Variants in CRIM1 observed in about 807,000 individuals in gnomAD.
The protein encoded by CRIM1 is cysteine rich transmembrane BMP regulator 1, also known as cysteine-rich motor neuron 1 protein.
A neutral mutation model predicts 116.4 loss-of-function variants in CRIM1; 32 were observed. The observed-to-expected ratio is 0.27, with a 90% CI of 0.21 to 0.37. The LOEUF is 0.37. CRIM1 is among the 10% of genes least tolerant of loss of function. The pLI, the probability that CRIM1 is intolerant of heterozygous loss-of-function variation, is 1.00. For synonymous variants in CRIM1, 590 were observed against 509.2 expected (o/e 1.16, Z -2.13); for missense variants, 1,331 against 1,354.8 (o/e 0.98, Z 0.28).
chr2:36,356,757 C>CT lies in CRIM1; in HGVS notation c.331+134_331+135insT. ...GCGGGAAGAGGGGCGGCCGCCGCCC[C>CT]CAGGAGAGTGCCCCCGCGGCCCTGC... On this transcript the variant is annotated intron_variant, in intron 1 of 16. Transcript: ENST00000280527. The surrounding 1 kb of genome is among the most constrained non-coding windows in gnomAD (Gnocchi z 4.3). 3.6e-6 allele frequency: 3 copies of CT among 834,724 alleles called. No individual in the cohort carries two copies. Among genetic ancestry groups the CT allele is most frequent in the Non-Finnish European group, 5.5e-6 (3 of 550,120 alleles). The allele number at this position is 834,724 out of a possible 1,614,324, so 51.7% of individuals were successfully genotyped here.
chr2:36,443,727 G>T (rs527628059), intron 4 of CRIM1, among the ~76,000 whole-genome samples: 1 of 152,218 alleles, frequency 6.6e-6, no homozygotes, highest in Non-Finnish European at 1.5e-5. Context: ...GGTAAGGTAA[G>T]TATCAGTTAT....
At chr2:36,497,402 G>A (rs1680677238) in intron 7 of CRIM1, among the ~76,000 whole-genome samples, 1 of 152,150 alleles carries the variant, frequency 6.6e-6, no homozygotes, top group South Asian at 2.1e-4. Context: ...TCTTGGGACT[G>A]AAGACTGGAA....
intron 1 of CRIM1, among the ~76,000 whole-genome samples, chr2:36,386,231 T>C (rs1671155916): frequency 6.6e-6 from 1 of 152,194 alleles, no homozygotes. Context: ...TTAACGTGTG[T>C]CACATTATCT....
chr2:36,488,487 AC>A (rs1280735662), intron 7 of CRIM1, among the ~76,000 whole-genome samples: 1 of 152,234 alleles, frequency 6.6e-6, no homozygotes, highest in Non-Finnish European at 1.5e-5. Flanking sequence ...CAGGGGTCAT[AC>A]CATCAGTTTA....
intron 5 of CRIM1, among the ~76,000 whole-genome samples, chr2:36,471,921 C>G (rs1318766200): frequency 1.3e-5 from 2 of 152,138 alleles, no homozygotes; most frequent in South Asian, 2.1e-4. Flanking sequence ...TTGAGCTGGT[C>G]TGGAACTGAA....
chr2:36,373,021 A>C (rs1236231515), intron 1 of CRIM1, among the ~76,000 whole-genome samples: 1 of 152,216 alleles, frequency 6.6e-6, no homozygotes, highest in Admixed American at 6.5e-5. Flanking sequence ...AAAGCTTAAA[A>C]ATCTGTTCCC....
At chr2:36,474,220 C>T (rs1342087826) in intron 5 of CRIM1, among the ~76,000 whole-genome samples, 1 of 151,998 alleles carries the variant, frequency 6.6e-6, no homozygotes, top group Admixed American at 6.6e-5. Flanking sequence ...GTTCTCGGTA[C>T]CAGTTTTTTT....
chr2:36,401,323 G>A (rs553813669), intron 2 of CRIM1, among the ~76,000 whole-genome samples: 31 of 152,304 alleles, frequency 2.0e-4, no homozygotes, highest in Non-Finnish European at 3.7e-4. Flanking sequence ...ACAGTCAGCC[G>A]TGGCTTAGTG....
In CRIM1 at chr2:36,477,213, T is replaced by G. The variant is rs3770855; in HGVS notation, c.1174+142T>G. On this transcript the variant is annotated intron_variant, in intron 6 of 16. Transcript: ENST00000280527. ...TAGCCTTTTTTAAGACACCATGGTC[T>G]GTCTTTTAGCATGTTAAAGCCAGGT... 885 of 663,700 alleles carry G rather than the reference T, an allele frequency of 1.3e-3. 14 individuals are homozygous for G. The East Asian group carries it at 0.025, about 18-fold the overall frequency. 41.1% of individuals were successfully genotyped at this position (663,700 alleles called of 1,614,324 possible). A position where few individuals can be genotyped will look rare whatever the true frequency, so the allele number is the denominator to read the frequency against.
chr2:36,528,600 C>T (rs1169166122), intron 13 of CRIM1, among the ~76,000 whole-genome samples: 1 of 152,204 alleles, frequency 6.6e-6, no homozygotes, highest in South Asian at 2.1e-4. Flanking sequence ...GGCGCACCCT[C>T]ATAGGGAGAT....
At chr2:36,437,856 G>A (rs572435826) in intron 2 of CRIM1, among the ~76,000 whole-genome samples, 6 of 151,716 alleles carry the variant, frequency 4.0e-5, no homozygotes, top group East Asian at 2.0e-4. Context: ...ATAACCAGCC[G>A]GGCGCGGTGG....
chr2:36,546,386 C>T (rs1343708917), intron 15 of CRIM1, among the ~76,000 whole-genome samples: 2 of 152,048 alleles, frequency 1.3e-5, no homozygotes, highest in Non-Finnish European at 2.9e-5. Flanking sequence ...TTCATTAAGG[C>T]AGAAAAATGA....
chr2:36,407,027 C>T (rs976906982), intron 2 of CRIM1, among the ~76,000 whole-genome samples: 1 of 152,144 alleles, frequency 6.6e-6, no homozygotes, highest in Non-Finnish European at 1.5e-5. Context: ...TTTAACCTCA[C>T]CTTCTGCGTG....
chr2:36,474,566 C>G (rs1678807210), intron 5 of CRIM1, among the ~76,000 whole-genome samples: 1 of 152,042 alleles, frequency 6.6e-6, no homozygotes, highest in South Asian at 2.1e-4. Flanking sequence ...AAAAGACTTT[C>G]AACCTCAGGC....
At chr2:36,438,724 A>G (rs1344119986) in intron 2 of CRIM1, among the ~76,000 whole-genome samples, 1 of 152,172 alleles carries the variant, frequency 6.6e-6, no homozygotes, top group Non-Finnish European at 1.5e-5. Flanking sequence ...CATTTCTGAA[A>G]GGGAAGGAGC....
At chr2:36,479,223 A>G (rs988602227) in intron 6 of CRIM1, among the ~76,000 whole-genome samples, 4 of 152,330 alleles carry the variant, frequency 2.6e-5, no homozygotes, top group Admixed American at 6.5e-5. Context: ...AAGCTTTCCA[A>G]CTTTACAGAG....
chr2:36,545,230 T>C (rs2125191030), intron 15 of CRIM1, among the ~76,000 whole-genome samples: 1 of 152,226 alleles, frequency 6.6e-6, no homozygotes, highest in African/African-American at 2.4e-5. Context: ...TTGAGAGAGA[T>C]TAATTGTCTG....
chr2:36,409,961 A>C (rs1673086672), intron 2 of CRIM1, among the ~76,000 whole-genome samples: 1 of 152,224 alleles, frequency 6.6e-6, no homozygotes, highest in Admixed American at 6.5e-5. Flanking sequence ...CATACGCTCT[A>C]AGATAAGAAT....
intron 1 of CRIM1, among the ~76,000 whole-genome samples, chr2:36,377,142 T>C (rs1023340412): frequency 1.3e-5 from 2 of 152,162 alleles, no homozygotes; most frequent in African/African-American, 4.8e-5. Context: ...TGTTCAGAGC[T>C]CAGGGGCGCT....
Sources: gnomAD v4.1 joint callset for allele counts (sites outside exome capture counted in the v4.1 genomes callset) on GRCh38, gnomAD v4.1.1 for gene constraint, Gnocchi (gnomAD v3.1) non-coding constraint, MANE v1.5 for transcripts, NCBI Gene and HGNC (gene_info 2026-07-23, HGNC 2026-07-21) for gene names.